MKI67: variants seen among roughly 807,000 people sequenced by gnomAD.
MKI67 encodes marker of proliferation Ki-67.
Under a neutral mutation model 233.5 loss-of-function variants are expected in MKI67, and 152 were observed. The observed-to-expected ratio is 0.65, with a 90% CI of 0.57 to 0.74. The LOEUF is 0.74. Among genes scored for constraint, MKI67 ranks in the 30% least tolerant of loss-of-function variants. MKI67 has a pLI of 0.00. For missense variants in MKI67, 3,940 were observed against 3,885.2 expected (o/e 1.01, Z -0.37); for synonymous variants, 1,465 against 1,418.5 (o/e 1.03, Z -0.74).
At chr10:128,113,403 T>C (rs1302599116) in intron 8 of MKI67, 24 bp downstream of exon 8, 2 of 1,612,624 alleles carry the variant, frequency 1.2e-6, no homozygotes, top group South Asian at 2.2e-5. Context: ...TGGGCGTGAA[T>C]GGGATGCTGC....
rs1853043595 is a variant in MKI67 at position 128,125,805 on chromosome 10, C to T, written c.-89-49G>A. 1 of 751,744 alleles carries T rather than the reference C, an allele frequency of 1.3e-6. No homozygotes were observed. Among genetic ancestry groups the T allele is most frequent in the Middle Eastern group, 2.9e-4 (1 of 3,452 alleles). The allele number at this position is 751,744 out of a possible 1,614,324, so 46.6% of individuals were successfully genotyped here. On this transcript the variant is annotated intron_variant, in intron 1 of 14. Coordinates refer to ENST00000368654, the MANE Select transcript of MKI67 (RefSeq NM_002417.5). The surrounding 1 kb of genome is among the most constrained non-coding windows in gnomAD (Gnocchi z 5.3). ...CTGATAGCAAAGGAGCTAAGAAGGG[C>T]CCCGTGCCCAATTCACCTATCCCCG...
chr10:128,106,052 G>C lies in MKI67; in HGVS notation c.5788C>G (p.Leu1930Val). 6.2e-7 allele frequency: 1 copy of C among 1,614,068 alleles called. No homozygotes were observed. The highest frequency in any genetic ancestry group is 1.1e-5 in the South Asian group (1 of 91,082). Residue 1930 changes from leucine (L) to valine (V), a missense_variant, in exon 13 of 15, where the codon CTG becomes GTG. By Grantham distance (32) the Leu-to-Val change is conservative. Transcript: ENST00000368654. ...FVGTPVEKLD[L>V]LGNLPGSKRR... Reference sequence around the variant, plus strand: ...TTGCTGCCAGGTAAATTTCCTAGCAGGTCCAGTTTCTCCACTGGAGTCCCC... The same window carrying C: ...TTGCTGCCAGGTAAATTTCCTAGCACGTCCAGTTTCTCCACTGGAGTCCCC...
chr10:128,111,444 A>G, intron 11 of MKI67: 1 of 539,364 alleles, frequency 1.9e-6, no homozygotes, highest in Non-Finnish European at 3.2e-6. Flanking sequence ...AGGACATGTG[A>G]TCCCAAAAAT....
chr10:128,113,303 T>C, intron 8 of MKI67, 124 bp downstream of exon 8: 1 of 1,177,616 alleles, frequency 8.5e-7, no homozygotes, highest in East Asian at 2.4e-5. Flanking sequence ...TTTTAAAAAC[T>C]TGTTTCTTTA....
Position 128,116,016 on chromosome 10 carries a change from T to C in MKI67, c.401-9A>G. The stretch of plus-strand genomic sequence containing the variant: ...ATCTTGAGCTTTCTCATCTTGGCAA[T>C]GAATTATGAAATAAGAAACAGAAGT... On this transcript the variant is annotated splice_polypyrimidine_tract_variant and intron_variant, in intron 6 of 14. Transcript: ENST00000368654. 1.3e-6 allele frequency: 2 copies of C among 1,555,606 alleles called. No homozygotes were observed. Among genetic ancestry groups the C allele is most frequent in the Non-Finnish European group, 1.7e-6 (2 of 1,157,476 alleles).
chr10:128,110,401 AGAGGTT>A lies in MKI67; in HGVS notation c.2387_2392del (p.Glu796_Leu798delinsVal). ...ACCAAAACTCTCTGAGGTGGGGAGC[AGAGGTT>A]CTTCTCCTGAATCAGTTCCTTGAAA... is the stretch of plus-strand genomic sequence containing the variant. On this transcript the variant is annotated inframe_deletion, in exon 12 of 15. Coordinates refer to ENST00000368654, the MANE Select transcript of MKI67 (RefSeq NM_002417.5). The A allele has an allele frequency of 6.4e-7, 1 of 1,573,460 alleles. No individual in the cohort carries two copies. The highest frequency in any genetic ancestry group is 8.7e-7 in the Non-Finnish European group (1 of 1,148,888).
Position 128,122,999 on chromosome 10 carries a change from G to T in MKI67, c.172-3C>A. The T allele has an allele frequency of 6.3e-7, 1 of 1,586,388 alleles. No individual in the cohort carries two copies. The highest frequency in any genetic ancestry group is 8.7e-7 in the Non-Finnish European group (1 of 1,155,856). ...GAACTGAAATTATGTAATATTGCCTGCAAGTGAAAAGAAGGGGAAATATGT... is the reference window on the plus strand; with the variant it reads ...GAACTGAAATTATGTAATATTGCCTTCAAGTGAAAAGAAGGGGAAATATGT... On this transcript the variant is annotated splice_region_variant and splice_polypyrimidine_tract_variant and intron_variant, in intron 3 of 14. Coordinates refer to ENST00000368654, the MANE Select transcript of MKI67 (RefSeq NM_002417.5).
intron 6 of MKI67, among the ~76,000 whole-genome samples, chr10:128,116,248 AAC>A (rs1412241701): frequency 6.6e-6 from 1 of 152,188 alleles, no homozygotes; most frequent in Non-Finnish European, 1.5e-5. Context: ...AACTACTGAG[AAC>A]TGAGTTGACA....
Position 128,105,698 on chromosome 10 carries a change from G to A in MKI67, c.6142C>T (p.Gln2048Ter). 6.2e-7 allele frequency: 1 copy of A among 1,614,100 alleles called. No homozygotes were observed. The highest frequency in any genetic ancestry group is 2.2e-5 in the East Asian group (1 of 44,860). ...SIKAFKESAKQMLDPANYGTG... is the reference protein window; with the variant it reads ...SIKAFKESAK The stretch of plus-strand genomic sequence containing the variant: ...CCATAGTTTGCTGGGTCCAGCATCT[G>A]CTTTGCAGATTCCTTAAACGCTTTG... Residue 2048 changes from glutamine to a stop codon, truncating the protein, a stop_gained, in exon 13 of 15, where the codon CAG (glutamine) becomes TAG (stop). Transcript: ENST00000368654. LOFTEE classifies it high-confidence loss of function.
chr10:128,102,833 C>T lies in MKI67; in HGVS notation c.9007G>A (p.Asp3003Asn), dbSNP rs1360028943. 1.2e-6 allele frequency: 2 copies of T among 1,614,222 alleles called. No homozygotes were observed. Among genetic ancestry groups the T allele is most frequent in the Admixed American group, 3.3e-5 (2 of 60,034 alleles). Residue 3003 changes from aspartate (D) to asparagine (N), a missense_variant, in exon 13 of 15, where the codon GAT (aspartate) becomes AAT (asparagine). Asp to Asn is a conservative substitution (Grantham distance 23). Coordinates refer to ENST00000368654, the MANE Select transcript of MKI67 (RefSeq NM_002417.5). ...CTCTTGGTTCCCGTGACGCTTCCAT[C>T]TTTGCCACCTCCCCTCTTGAAGGGC... ...PLPFKRGGGK[D>N]GSVTGTKRLR...
rs1168127731 is a variant in MKI67 at position 128,107,273 on chromosome 10, C to A, written c.4567G>T (p.Glu1523Ter). Reference sequence around the variant, plus strand: ...GTTCGTTTCCTGAGTGCGAAGAATTCTTCTTCTACGTCCACTTTCCTGAGA... The same window carrying A: ...GTTCGTTTCCTGAGTGCGAAGAATTATTCTTCTACGTCCACTTTCCTGAGA... ...RSLRKVDVEE[E>*]FFALRKRTPS... The change falls in exon 13 of 15, where the codon GAA (glutamate) becomes TAA (stop). Residue 1523 changes from glutamate (E) to a stop codon, truncating the protein, a stop_gained. Coordinates refer to ENST00000368654, the MANE Select transcript of MKI67 (RefSeq NM_002417.5). LOFTEE classifies it high-confidence loss of function. The A allele has an allele frequency of 6.2e-7, 1 of 1,613,724 alleles. No individual in the cohort carries two copies. The highest frequency in any genetic ancestry group is 8.5e-7 in the Non-Finnish European group (1 of 1,179,980).
chr10:128,104,701 G>A lies in MKI67; in HGVS notation c.7139C>T (p.Thr2380Ile), dbSNP rs1852434357. The change falls in exon 13 of 15, where the codon ACA becomes ATA. Residue 2380 changes from threonine to isoleucine, a missense_variant. Coordinates refer to ENST00000368654, the MANE Select transcript of MKI67 (RefSeq NM_002417.5). Reference protein sequence around the residue: ...EEEFLALRKRTPSAGKAMDTP... With the variant: ...EEEFLALRKRIPSAGKAMDTP... ...GTCCATGGCTTTGCCTGCTGATGGT[G>A]TTCGTTTCCTGAGTGCTAAAAATTC... 3.1e-6 allele frequency: 5 copies of A among 1,614,086 alleles called. No homozygotes were observed. Among genetic ancestry groups the A allele is most frequent in the South Asian group, 2.2e-5 (2 of 91,080 alleles).
rs1852557694 is a variant in MKI67, at chr10:128,107,963, C to G, written c.3877G>C (p.Gly1293Arg). 2 of 1,613,644 alleles carry G rather than the reference C, an allele frequency of 1.2e-6. No homozygotes were observed. The highest frequency in any genetic ancestry group is 8.5e-7 in the Non-Finnish European group (1 of 1,180,000). The change falls in exon 13 of 15, where the codon GGC becomes CGC. Residue 1293 changes from glycine (G) to arginine (R), a missense_variant. By Grantham distance (125) the Gly-to-Arg change is moderately radical (BLOSUM62 -2). Transcript: ENST00000368654. ...GGTTTAGGCGTGTGCATGGCTTTGC[C>G]TGCTGATGGCATTAGATTCCTGCAC... ...LACRNLMPSA[G>R]KAMHTPKPSV... is the part of the protein sequence containing the mutation.
In MKI67 at chr10:128,103,299, C is replaced by G. The variant is rs371837560; in HGVS notation, c.8541G>C (p.Gln2847His). 6.2e-7 allele frequency: 1 copy of G among 1,614,090 alleles called. No individual in the cohort carries two copies. The highest frequency in any genetic ancestry group is 1.3e-5 in the African/African-American group (1 of 74,934). Reference protein sequence around the residue: ...SSKRRPRTRAQKVEVKEELLA... With the variant: ...SSKRRPRTRAHKVEVKEELLA... ...ACAGCTCCTCCTTCACTTCTACTTT[C>G]TGGGCACGTGTCCTGGGCCGTCTCT... Residue 2847 changes from glutamine (Q) to histidine (H), a missense_variant, in exon 13 of 15, where the codon CAG becomes CAC. Physicochemically the swap from Gln to His is conservative, Grantham distance 24 (BLOSUM62 0). Coordinates refer to ENST00000368654, the MANE Select transcript of MKI67 (RefSeq NM_002417.5).
rs1393891086 is a variant in MKI67, at chr10:128,107,218, G to GGT, written c.4620_4621dup (p.Pro1541HisfsTer6). The GGT allele has an allele frequency of 6.2e-7, 1 of 1,614,108 alleles. No individual in the cohort carries two copies. Among genetic ancestry groups the GGT allele is most frequent in the Non-Finnish European group, 8.5e-7 (1 of 1,180,010 alleles). ...TTTCTCACCACTTACTGCTGGTTTG[G>GGT]GTGTGTGCATGGCTTTGCCTGCTGA... On this transcript the variant is annotated frameshift_variant, in exon 13 of 15. Transcript: ENST00000368654. LOFTEE classifies it high-confidence loss of function.
At chr10:128,120,575 C>G (rs1218106379) in intron 4 of MKI67, among the ~76,000 whole-genome samples, 1 of 151,970 alleles carries the variant, frequency 6.6e-6, no homozygotes, top group African/African-American at 2.4e-5. Flanking sequence ...TAAAAATACT[C>G]TTTAAAAATG....
rs201679974 is a variant in MKI67, at chr10:128,102,858, C to A, written c.8982G>T (p.Leu2994=). 1 of 1,614,194 alleles carries A rather than the reference C, an allele frequency of 6.2e-7. No homozygotes were observed. The highest frequency in any genetic ancestry group is 1.1e-5 in the South Asian group (1 of 91,088). The change falls in exon 13 of 15, where the codon CTG becomes CTT. Residue 2994 remains leucine (L), a synonymous_variant. Coordinates refer to ENST00000368654, the MANE Select transcript of MKI67 (RefSeq NM_002417.5). ...QSKSNTSLPP[L]PFKRGGGKDG... ...CTTTGCCACCTCCCCTCTTGAAGGG[C>A]AGTGGGGGCAGGGAAGTGTTGCTTT...
Position 128,107,285 on chromosome 10 carries a change from C to T in MKI67, c.4555G>A (p.Asp1519Asn). Residue 1519 changes from aspartate (D) to asparagine (N), a missense_variant, in exon 13 of 15, where the codon GAC (aspartate) becomes AAC (asparagine). By Grantham distance (23) the Asp-to-Asn change is conservative. Coordinates refer to ENST00000368654, the MANE Select transcript of MKI67 (RefSeq NM_002417.5). ...AGTGCGAAGAATTCTTCTTCTACGT[C>T]CACTTTCCTGAGACTTCTCTTGGAC... is the stretch of plus-strand genomic sequence containing the variant. ...PQSKRSLRKV[D>N]VEEEFFALRK... is the part of the protein sequence containing the mutation. 10 of 1,614,150 alleles carry T rather than the reference C, an allele frequency of 6.2e-6. No individual in the cohort carries two copies. The highest frequency in any genetic ancestry group is 8.5e-6 in the Non-Finnish European group (10 of 1,180,036).
rs756236575 is a variant in MKI67, at chr10:128,115,477, G to C, written c.931C>G (p.Gln311Glu). The change falls in exon 7 of 15, where the codon CAA becomes GAA. Residue 311 changes from glutamine to glutamate, a missense_variant. Gln to Glu is a conservative substitution (Grantham distance 29). Transcript: ENST00000368654. ...TTCCCCTTGTTCTGGTCAAGCTCTT[G>C]TTCAGGTGAAGCAGGCTCTGCCACA... The part of the protein sequence containing the change: ...HAVAEPASPE[Q>E]ELDQNKGKGR... 3.1e-6 allele frequency: 5 copies of C among 1,613,866 alleles called. No homozygotes were observed. The highest frequency in any genetic ancestry group is 3.4e-6 in the Non-Finnish European group (4 of 1,179,972).
Sources: allele counts gnomAD v4.1 joint callset (sites outside exome capture counted in the v4.1 genomes callset), GRCh38; gene constraint gnomAD v4.1.1; non-coding constraint Gnocchi (gnomAD v3.1); transcripts MANE v1.5; gene names NCBI Gene and HGNC (gene_info 2026-07-23, HGNC 2026-07-21).